MPO: variants seen among roughly 807,000 people sequenced by gnomAD.
The protein encoded by MPO is myeloperoxidase.
MPO carries 57 observed loss-of-function variants against 69.4 expected under a neutral mutation model. The ratio of observed to expected loss-of-function variants is 0.82; its 90% CI spans 0.66 to 1.02. The LOEUF (loss-of-function observed/expected upper bound fraction) is 1.02, where lower values mean the gene tolerates loss of function less well. Among genes scored for constraint, MPO ranks in the 50% least tolerant of loss-of-function variants. The probability of loss-of-function intolerance (pLI) is 0.00; values close to 1 mark genes in which losing one functional copy is unlikely to be tolerated. For missense variants in MPO, 971 were observed against 1,014.1 expected, an observed-to-expected ratio of 0.96 and a Z score of 0.58; for synonymous variants, 426 against 417.1, an observed-to-expected ratio of 1.02 and a Z score of -0.26.
At chr17:58,273,808 C>T (rs1209705547) in intron 8 of MPO, 139 bp from the exon 9 acceptor site, 3 of 1,176,390 alleles carry the variant, frequency 2.6e-6, no homozygotes, top group East Asian at 4.8e-5. Flanking sequence ...AGGGAATAGC[C>T]TCCCACAATA....
chr17:58,270,950 A>G lies in MPO; in HGVS notation c.2031-87T>C, dbSNP rs567352560. 1.8e-5 allele frequency: 27 copies of G among 1,488,244 alleles called. No homozygotes were observed. The South Asian group carries it at 3.0e-4, about 17-fold the overall frequency. The allele number at this position is 1,488,244 out of a possible 1,614,324, so 92.2% of individuals were successfully genotyped here. ...TGGGCTTGTGCTGCTCCCAGGATAT[A>G]ACAAAGCCACAACAAATGCCACCTG... On this transcript the variant is annotated intron_variant, in intron 11 of 11. Transcript: ENST00000225275. The surrounding 1 kb of genome is among the most constrained non-coding windows in gnomAD (Gnocchi z 4.1).
At position 58,275,690 on chromosome 17, in the gene MPO, G is replaced by A. The variant is rs1343458414; in HGVS notation, c.1217C>T (p.Ser406Phe). 1.2e-5 allele frequency: 19 copies of A among 1,614,074 alleles called. No individual in the cohort carries two copies. Among genetic ancestry groups the A allele is most frequent in the African/African-American group, 2.7e-5 (2 of 74,916 alleles). Residue 406 changes from serine (S) to phenylalanine (F), a missense_variant, in exon 8 of 12, where the codon TCC becomes TTC. Ser to Phe is a radical substitution (Grantham distance 155, BLOSUM62 -2). Coordinates refer to ENST00000225275, the MANE Select transcript of MPO (RefSeq NM_000250.2). This position sits in a 1 kb window ranked among gnomAD's most constrained non-coding sequence, Gnocchi z 4.1. ...GGAGGTGAGCTCGGGCATCTCACTGGAACGGGTGTCCCCTTGGGGAGGCAA... is the reference window on the plus strand; with the variant it reads ...GGAGGTGAGCTCGGGCATCTCACTGAAACGGGTGTCCCCTTGGGGAGGCAA... ...IPCFLAGDTR[S>F]SEMPELTSMH...
Position 58,272,019 on chromosome 17 carries a change from C to T in MPO, c.1793-127G>A, listed in dbSNP as rs1970371766. The T allele has an allele frequency of 8.0e-6, 8 of 999,080 alleles. No homozygotes were observed. In the South Asian group the frequency reaches 1.0e-4, roughly 13 times the overall value. 61.9% of individuals were successfully genotyped at this position (999,080 alleles called of 1,614,324 possible). A position where few individuals can be genotyped will look rare whatever the true frequency, so the allele number is the denominator to read the frequency against. ...CAGAAAACCCACCTTCCCAACACAA[C>T]CAAGGTCATAGAGGGAGGGAAGGAC... On this transcript the variant is annotated intron_variant, in intron 10 of 11. Coordinates refer to ENST00000225275, the MANE Select transcript of MPO (RefSeq NM_000250.2).
At chr17:58,278,631 C>T (rs1970470063) in intron 6 of MPO, among the ~76,000 whole-genome samples, 1 of 152,154 alleles carries the variant, frequency 6.6e-6, no homozygotes, top group African/African-American at 2.4e-5. Context: ...GCTGCCCTCT[C>T]AGTGGGGCGG....
intron 10 of MPO, among the ~76,000 whole-genome samples, chr17:58,272,344 C>A (rs1006162661): frequency 6.6e-6 from 1 of 152,218 alleles, no homozygotes; most frequent in Non-Finnish European, 1.5e-5. Flanking sequence ...AGCTTTGCCA[C>A]TGACTTGGCT....
chr17:58,271,119 A>AG (rs1970360387), intron 11 of MPO, among the ~76,000 whole-genome samples: 1 of 152,164 alleles, frequency 6.6e-6, no homozygotes, highest in East Asian at 1.9e-4. Context: ...ACCATGCTGG[A>AG]GGGGGACCCG....
chr17:58,279,175 C>G lies in MPO; in HGVS notation c.718G>C (p.Asp240His). The change falls in exon 6 of 12, where the codon GAT becomes CAT. Residue 240 changes from aspartate (D) to histidine (H), a missense_variant. By Grantham distance (81) the Asp-to-His change is moderately conservative. Coordinates refer to ENST00000225275, the MANE Select transcript of MPO (RefSeq NM_000250.2). ...VSNEIVRFPT[D>H]QLTPDQERSL... ...CGCTCCTGGTCCGGAGTCAGCTGAT[C>G]AGTGGGGAAGCGCACGATCTCGTTG... The G allele has an allele frequency of 6.2e-7, 1 of 1,611,214 alleles. No homozygotes were observed. The highest frequency in any genetic ancestry group is 8.5e-7 in the Non-Finnish European group (1 of 1,178,816).
chr17:58,278,143 G>GTCT lies in MPO; in HGVS notation c.887_888insAGA (p.Ile296_Pro297insAsp). The GTCT allele has an allele frequency of 1.9e-6, 3 of 1,600,788 alleles. No homozygotes were observed. Among genetic ancestry groups the GTCT allele is most frequent in the Non-Finnish European group, 2.5e-6 (3 of 1,179,904 alleles). ...TCTTGATGCGGGGGTCATTGGGCGG[G>GTCT]ATCTGAGGCACAGAGAGAGGCTAGA... On this transcript the variant is annotated inframe_insertion and splice_region_variant, in exon 7 of 12. Coordinates refer to ENST00000225275, the MANE Select transcript of MPO (RefSeq NM_000250.2).
chr17:58,280,629 G>A lies in MPO; in HGVS notation c.130C>T (p.Gln44Ter), dbSNP rs770449231. ...CCTGGAGCAGCACCTTCAGAGGGCT[G>A]GGGCGTGGCCAGAATGGCCAGGAGC... ...AGLLAILATP[Q>*]PSEGAAPAVL... The change falls in exon 1 of 12, where the codon CAG becomes TAG. Residue 44 changes from glutamine (Q) to a stop codon, truncating the protein, a stop_gained. Coordinates refer to ENST00000225275, the MANE Select transcript of MPO (RefSeq NM_000250.2). LOFTEE classifies it high-confidence loss of function. 6.2e-7 allele frequency: 1 copy of A among 1,614,232 alleles called. No individual in the cohort carries two copies. Among genetic ancestry groups the A allele is most frequent in the Non-Finnish European group, 8.5e-7 (1 of 1,180,038 alleles).
At position 58,278,036 on chromosome 17, in the gene MPO, G is replaced by GC; in HGVS notation, c.994dup (p.Ala332GlyfsTer49). 1 of 1,613,646 alleles carries GC rather than the reference G, an allele frequency of 6.2e-7. No individual in the cohort carries two copies. The highest frequency in any genetic ancestry group is 8.5e-7 in the Non-Finnish European group (1 of 1,180,028). ...GCTGGCGTCCACGAAGGAAGTGAGC[G>GC]CGTTGATCTGGTTGCGGATGGTGAT... On this transcript the variant is annotated frameshift_variant, in exon 7 of 12. Transcript: ENST00000225275. LOFTEE classifies it high-confidence loss of function.
intron 1 of MPO, 53 bp downstream of exon 1, chr17:58,280,552 C>G: frequency 1.2e-6 from 2 of 1,614,130 alleles, no homozygotes; most frequent in Non-Finnish European, 1.7e-6. Context: ...AAAGGGGTCT[C>G]TGGAACACAA....
At position 58,270,873 on chromosome 17, in the gene MPO, G is replaced by A. The variant is rs758265207; in HGVS notation, c.2031-10C>T. On this transcript the variant is annotated splice_polypyrimidine_tract_variant and intron_variant, in intron 11 of 11. Coordinates refer to ENST00000225275, the MANE Select transcript of MPO (RefSeq NM_000250.2). The surrounding 1 kb of genome is among the most constrained non-coding windows in gnomAD (Gnocchi z 4.1). ...GTTCTCCCACCAAAACCTGCATGGG[G>A]AACACCCATGGACACTGTGCCCAAG... 1.2e-6 allele frequency: 2 copies of A among 1,612,494 alleles called. No homozygotes were observed. Among genetic ancestry groups the A allele is most frequent in the Admixed American group, 1.7e-5 (1 of 60,028 alleles).
intron 2 of MPO, 42 bp downstream of exon 2, chr17:58,280,324 G>A (rs1970499810): frequency 1.3e-6 from 2 of 1,596,944 alleles, no homozygotes; most frequent in African/African-American, 1.3e-5. Flanking sequence ...TGAAAGGCCT[G>A]GGACATCCTT....
chr17:58,273,606 G>A lies in MPO; in HGVS notation c.1429C>T (p.Pro477Ser), dbSNP rs1161273032. ...GAGTCATTGTAGGAACGGTACGTGG[G>A]CAGGTACTTCCTCATGGCCGTTGGC... is the stretch of plus-strand genomic sequence containing the variant. Reference protein sequence around the residue: ...LGPTAMRKYLPTYRSYNDSVD... With the variant: ...LGPTAMRKYLSTYRSYNDSVD... The change falls in exon 9 of 12, where the codon CCC (proline) becomes TCC (serine). Residue 477 changes from proline to serine, a missense_variant. Coordinates refer to ENST00000225275, the MANE Select transcript of MPO (RefSeq NM_000250.2). The A allele has an allele frequency of 1.2e-6, 2 of 1,614,222 alleles. No individual in the cohort carries two copies. The highest frequency in any genetic ancestry group is 3.3e-5 in the Admixed American group (2 of 60,026).
intron 9 of MPO, 89 bp from the exon 10 acceptor site, chr17:58,273,007 G>A: frequency 6.6e-7 from 1 of 1,525,676 alleles, no homozygotes; most frequent in South Asian, 1.2e-5. Context: ...GGTAGGGTCA[G>A]GAGGATTCGA....
chr17:58,277,629 G>A (rs1330383006), intron 7 of MPO, 198 bp downstream of exon 7: 2 of 752,634 alleles, frequency 2.7e-6, no homozygotes, highest in Non-Finnish European at 4.4e-6. Flanking sequence ...GGTTGGAGAG[G>A]TTGTTTGCTT....
rs1904650014 is a variant in MPO at position 58,277,870 on chromosome 17, A to G, written c.1161T>C (p.Cys387=). 6.2e-7 allele frequency: 1 copy of G among 1,608,326 alleles called. No homozygotes were observed. Among genetic ancestry groups the G allele is most frequent in the Non-Finnish European group, 8.5e-7 (1 of 1,180,008 alleles). ...TGCGCGCTGAGCGGTTGGTGAGGAGACAGGGGTCATCGTGCAGGTTGTCAA... is the reference window on the plus strand; with the variant it reads ...TGCGCGCTGAGCGGTTGGTGAGGAGGCAGGGGTCATCGTGCAGGTTGTCAA... ...LPFDNLHDDP[C]LLTNRSARIP... The change falls in exon 7 of 12, where the codon TGT becomes TGC. Residue 387 remains cysteine, a synonymous_variant. Coordinates refer to ENST00000225275, the MANE Select transcript of MPO (RefSeq NM_000250.2).
intron 6 of MPO, among the ~76,000 whole-genome samples, 183 bp from the exon 7 acceptor site, chr17:58,278,328 G>A (rs1304939254): frequency 6.6e-6 from 1 of 152,162 alleles, no homozygotes; most frequent in African/African-American, 2.4e-5. Flanking sequence ...CAGGGTTAAT[G>A]AGCAGAACAC....
chr17:58,272,084 G>A (rs962656557), intron 10 of MPO, among the ~76,000 whole-genome samples, 192 bp from the exon 11 acceptor site: 23 of 152,178 alleles, frequency 1.5e-4, no homozygotes, highest in Non-Finnish European at 1.5e-5. Flanking sequence ...TTAGACCAAG[G>A]GGCACAACTG....
Sources: allele counts gnomAD v4.1 joint callset (sites outside exome capture counted in the v4.1 genomes callset), GRCh38; gene constraint gnomAD v4.1.1; non-coding constraint Gnocchi (gnomAD v3.1); transcripts MANE v1.5; gene names NCBI Gene and HGNC (gene_info 2026-07-23, HGNC 2026-07-21).